TRNAU1AP: variants seen among roughly 807,000 people sequenced by gnomAD.
TRNAU1AP encodes the protein tRNA selenocysteine 1 associated protein 1.
In TRNAU1AP, 33 loss-of-function variants were observed where a neutral mutation model predicts 43.3. That is an observed-to-expected ratio of 0.76 (90% confidence interval 0.58 to 1.02). The LOEUF is 1.02. Ranked by LOEUF, TRNAU1AP falls within the 50% of genes least tolerant of loss-of-function variation. The probability of loss-of-function intolerance (pLI) is 0.00; values close to 1 mark genes in which losing one functional copy is unlikely to be tolerated. For synonymous variants in TRNAU1AP, 143 were observed against 129.1 expected (o/e 1.11, Z -0.73); for missense variants, 290 against 362.7 (o/e 0.80, Z 1.63).
intron 8 of TRNAU1AP, among the ~76,000 whole-genome samples, chr1:28,575,379 T>G (rs950871578): frequency 6.6e-6 from 1 of 152,022 alleles, no homozygotes; most frequent in African/African-American, 2.4e-5. Context: ...GGTCTCTATC[T>G]TTTGACCTCA....
In TRNAU1AP at chr1:28,578,540, C is replaced by A. The variant is rs975599132; in HGVS notation, c.*904C>A. 1.5e-5 allele frequency: 5 copies of A among 340,632 alleles called. No homozygotes were observed. Among genetic ancestry groups the A allele is most frequent in the Non-Finnish European group, 2.4e-5 (4 of 164,694 alleles). The allele number at this position is 340,632 out of a possible 1,614,324, so 21.1% of individuals were successfully genotyped here. A position where few individuals can be genotyped will look rare whatever the true frequency, so the allele number is the denominator to read the frequency against. On this transcript the variant is annotated 3_prime_UTR_variant, in exon 9 of 9. Transcript: ENST00000373830. ...ACAAAAAAATACAAACACAAATATA[C>A]TTTTATTAGTCTTTTTATTCTTCTT...
chr1:28,560,299 AAC>A (rs1665377213), intron 2 of TRNAU1AP, among the ~76,000 whole-genome samples: 1 of 149,174 alleles, frequency 6.7e-6, no homozygotes, highest in African/African-American at 2.5e-5. Context: ...TTTTTTTTAA[AAC>A]AGTCTCAAAC....
chr1:28,553,899 A>T lies in TRNAU1AP; in HGVS notation c.125+162A>T, dbSNP rs562491226. ...CCCAATGAGTGGAAGGATGGCATGTAGCTTAAGGGTAGGACTTGCCAGGCG... is the reference window on the plus strand; with the variant it reads ...CCCAATGAGTGGAAGGATGGCATGTTGCTTAAGGGTAGGACTTGCCAGGCG... On this transcript the variant is annotated intron_variant, in intron 2 of 8. Transcript: ENST00000373830. 3.6e-5 allele frequency: 24 copies of T among 671,794 alleles called. No individual in the cohort carries two copies. In the African/African-American group the frequency reaches 4.2e-4, roughly 12 times the overall value. The allele number at this position is 671,794 out of a possible 1,614,324, so 41.6% of individuals were successfully genotyped here.
At chr1:28,569,267 C>T (rs916044936) in intron 6 of TRNAU1AP, among the ~76,000 whole-genome samples, 24 of 152,144 alleles carry the variant, frequency 1.6e-4, no homozygotes, top group African/African-American at 5.8e-4. Context: ...GCTTGGTGTA[C>T]TCCTCTAGTC....
chr1:28,564,901 G>A lies in TRNAU1AP; in HGVS notation c.410+67G>A, dbSNP rs1239544454. On this transcript the variant is annotated intron_variant, in intron 5 of 8. Transcript: ENST00000373830. ...CAGCCTTTCTCTCCTGAGTGGAGGT[G>A]TTTTAGAAAGGCCCTGCAGCATGGC... 1.9e-5 allele frequency: 30 copies of A among 1,593,836 alleles called. No homozygotes were observed. The Admixed American group carries it at 5.0e-4, about 26-fold the overall frequency.
intron 8 of TRNAU1AP, among the ~76,000 whole-genome samples, chr1:28,572,555 T>A (rs1256546897): frequency 1.3e-5 from 2 of 152,106 alleles, no homozygotes; most frequent in African/African-American, 4.8e-5. Flanking sequence ...TTATTTATTT[T>A]ATTTTTTTTC....
intron 2 of TRNAU1AP, among the ~76,000 whole-genome samples, chr1:28,556,022 T>G (rs1430633936): frequency 6.6e-6 from 1 of 152,054 alleles, no homozygotes; most frequent in Non-Finnish European, 1.5e-5. Context: ...CCAGGCTAAT[T>G]TTTTGTATTT....
intron 8 of TRNAU1AP, 110 bp downstream of exon 8, chr1:28,572,010 C>T: frequency 2.0e-6 from 2 of 981,776 alleles, no homozygotes; most frequent in Non-Finnish European, 3.3e-6. Context: ...TCTGGAAGAA[C>T]TTACATTCTG....
Position 28,564,688 on chromosome 1 carries a change from G to C in TRNAU1AP, c.279-15G>C. The C allele has an allele frequency of 6.2e-7, 1 of 1,606,514 alleles. No homozygotes were observed. The highest frequency in any genetic ancestry group is 8.5e-7 in the Non-Finnish European group (1 of 1,176,826). Reference sequence around the variant, plus strand: ...TTGGTCTTTGCCTCTGAATCTTCTTGTTCTCTCTCCTCAGCCCTGAGTATT... The same window carrying C: ...TTGGTCTTTGCCTCTGAATCTTCTTCTTCTCTCTCCTCAGCCCTGAGTATT... On this transcript the variant is annotated splice_polypyrimidine_tract_variant and intron_variant, in intron 4 of 8. Coordinates refer to ENST00000373830, the MANE Select transcript of TRNAU1AP (RefSeq NM_017846.5).
chr1:28,571,316 G>T lies in TRNAU1AP; in HGVS notation c.671G>T (p.Gly224Val), dbSNP rs1315986981. 1 of 1,613,900 alleles carries T rather than the reference G, an allele frequency of 6.2e-7. No individual in the cohort carries two copies. The highest frequency in any genetic ancestry group is 8.5e-7 in the Non-Finnish European group (1 of 1,179,884). ...GSYSYSYPQYGYTQSTMQTYE... is the reference protein window; with the variant it reads ...GSYSYSYPQYVYTQSTMQTYE... ...TACAGCTACAGTTACCCCCAGTATG[G>T]CTATACCCAGAGCACCATGCAGGTA... is the stretch of plus-strand genomic sequence containing the variant. Residue 224 changes from glycine to valine, a missense_variant, in exon 7 of 9, where the codon GGC becomes GTC. By Grantham distance (109) the Gly-to-Val change is moderately radical. Around this residue, in one of 3 missense-constraint regions of TRNAU1AP, gnomAD observed 174 missense variants for 262.1 expected, o/e 0.66. Coordinates refer to ENST00000373830, the MANE Select transcript of TRNAU1AP (RefSeq NM_017846.5).
Position 28,578,308 on chromosome 1 carries a change from C to T in TRNAU1AP, c.*672C>T, listed in dbSNP as rs984397266. 3.0e-5 allele frequency: 5 copies of T among 165,202 alleles called. No individual in the cohort carries two copies. Among genetic ancestry groups the T allele is most frequent in the African/African-American group, 4.8e-5 (2 of 41,574 alleles). 10.2% of individuals were successfully genotyped at this position (165,202 alleles called of 1,614,324 possible). ...TAGCTCAAAGCCAAAGCAGACCCTC[C>T]GTGTGAACTTTATACTGCTCACTTC... On this transcript the variant is annotated 3_prime_UTR_variant, in exon 9 of 9. Coordinates refer to ENST00000373830, the MANE Select transcript of TRNAU1AP (RefSeq NM_017846.5).
intron 6 of TRNAU1AP, 56 bp from the exon 7 acceptor site, chr1:28,571,120 G>A (rs1196825547): frequency 1.2e-5 from 18 of 1,544,968 alleles, no homozygotes; most frequent in South Asian, 4.5e-5. Flanking sequence ...TGGCCACATA[G>A]GCAGTGTTAC....
chr1:28,564,863 A>C, intron 5 of TRNAU1AP, 29 bp downstream of exon 5: 1 of 1,613,298 alleles, frequency 6.2e-7, no homozygotes, highest in South Asian at 1.1e-5. Flanking sequence ...CTGATGCTTA[A>C]CTGTGTTAGT....
intron 2 of TRNAU1AP, among the ~76,000 whole-genome samples, chr1:28,557,034 G>A (rs962214951): frequency 1.2e-4 from 18 of 147,470 alleles, no homozygotes; most frequent in Admixed American, 9.8e-4. Context: ...GGCTAGCCTC[G>A]AACTCCTGAC....
chr1:28,576,193 G>C (rs1031009218), intron 8 of TRNAU1AP, among the ~76,000 whole-genome samples: 6 of 140,308 alleles, frequency 4.3e-5, no homozygotes, highest in African/African-American at 1.6e-4. Context: ...TCACTTTGTT[G>C]CCCAGACTTG....
intron 8 of TRNAU1AP, chr1:28,574,804 A>G (rs146161420): frequency 6.6e-6 from 1 of 152,330 alleles, no homozygotes; most frequent in African/African-American, 2.4e-5. Flanking sequence ...TGTCAAGAAA[A>G]TGTTCGTTAA....
chr1:28,560,263 A>G (rs1665376064), intron 2 of TRNAU1AP, among the ~76,000 whole-genome samples: 1 of 150,856 alleles, frequency 6.6e-6, no homozygotes, highest in Admixed American at 6.6e-5. Flanking sequence ...CTTCAAGGCC[A>G]AGACCCATCT....
intron 2 of TRNAU1AP, among the ~76,000 whole-genome samples, chr1:28,554,210 A>C (rs895600619): frequency 4.9e-5 from 7 of 144,286 alleles, no homozygotes; most frequent in Non-Finnish European, 8.9e-5. Flanking sequence ...AAAAAAAAAA[A>C]AACAAAAAAA....
intron 4 of TRNAU1AP, among the ~76,000 whole-genome samples, chr1:28,561,605 C>G (rs1296824313): frequency 1.3e-5 from 2 of 152,164 alleles, no homozygotes; most frequent in African/African-American, 2.4e-5. Context: ...GGCTTCCTAC[C>G]CTGCTACTCC....
Sources: allele counts gnomAD v4.1 joint callset (sites outside exome capture counted in the v4.1 genomes callset), GRCh38; gene constraint gnomAD v4.1.1; regional missense constraint gnomAD v4.1.1; transcripts MANE v1.5; gene names NCBI Gene and HGNC (gene_info 2026-07-23, HGNC 2026-07-21).